Variants in TRAPPC11 observed in about 807,000 individuals in gnomAD.
The protein encoded by TRAPPC11 is foie gras homolog.
A neutral mutation model predicts 151.2 loss-of-function variants in TRAPPC11; 104 were observed. That is an observed-to-expected ratio of 0.69 (90% CI 0.59 to 0.81). The LOEUF is 0.81. Ranked by LOEUF, TRAPPC11 falls within the 30% of genes least tolerant of loss-of-function variation. The pLI, the probability that TRAPPC11 is intolerant of heterozygous loss-of-function variation, is 0.00. For missense variants in TRAPPC11, 1,230 were observed against 1,349.6 expected, an observed-to-expected ratio of 0.91 and a Z score of 1.39; for synonymous variants, 456 against 472.3, an observed-to-expected ratio of 0.97 and a Z score of 0.45.
chr4:183,678,200 G>A (rs559189864), intron 8 of TRAPPC11, among the ~76,000 whole-genome samples: 1 of 152,140 alleles, frequency 6.6e-6, no homozygotes, highest in African/African-American at 2.4e-5. Context: ...GCCTCCCAAA[G>A]TGCTGGAATT....
At chr4:183,681,637 G>A (rs949135880) in intron 10 of TRAPPC11, among the ~76,000 whole-genome samples, 15 of 152,010 alleles carry the variant, frequency 9.9e-5, no homozygotes, top group Admixed American at 3.3e-4. Flanking sequence ...AAAATTAGCC[G>A]GGTGTGGTGG....
At chr4:183,694,538 C>G (rs959090138) in intron 22 of TRAPPC11, 66 bp from the exon 23 acceptor site, 1 of 1,492,216 alleles carries the variant, frequency 6.7e-7, no homozygotes, top group African/African-American at 1.4e-5. Context: ...GAACATTATC[C>G]TAGAATATAT....
chr4:183,659,662 G>A (rs992539393), intron 1 of TRAPPC11, among the ~76,000 whole-genome samples: 40 of 152,202 alleles, frequency 2.6e-4, no homozygotes, highest in African/African-American at 9.4e-4. Flanking sequence ...TCTGCCTTTA[G>A]GGACTGCAAG....
chr4:183,682,978 A>G (rs1408750368), intron 11 of TRAPPC11, among the ~76,000 whole-genome samples, 153 bp downstream of exon 11: 1 of 152,228 alleles, frequency 6.6e-6, no homozygotes, highest in Non-Finnish European at 1.5e-5. Context: ...AATGCTTTGT[A>G]TGTATCACTG....
At chr4:183,709,590 A>T (rs1322547290) in intron 29 of TRAPPC11, among the ~76,000 whole-genome samples, 1 of 152,144 alleles carries the variant, frequency 6.6e-6, no homozygotes, top group Admixed American at 6.5e-5. Context: ...CCTGGCTAAC[A>T]TGGTGAAACC....
intron 5 of TRAPPC11, among the ~76,000 whole-genome samples, chr4:183,669,208 G>T (rs1011344548): frequency 4.6e-5 from 7 of 152,208 alleles, no homozygotes; most frequent in African/African-American, 1.4e-4. Flanking sequence ...AGTCCATGGT[G>T]CCCAGGGTAA....
rs116539708 is a variant in TRAPPC11, at chr4:183,686,553, A to G, written c.1763-65A>G. 1.0e-5 allele frequency: 16 copies of G among 1,575,252 alleles called. No individual in the cohort carries two copies. In the African/African-American group the frequency reaches 2.2e-4, roughly 21 times the overall value. ...TCTTTCTGAAGAATCAATTTGGTTA[A>G]CAGGATGTGTGTGGGTCGTGGGTAT... is the stretch of plus-strand genomic sequence containing the variant. On this transcript the variant is annotated intron_variant, in intron 17 of 29. Transcript: ENST00000334690.
intron 18 of TRAPPC11, among the ~76,000 whole-genome samples, chr4:183,689,638 T>TA (rs922148813): frequency 1.4e-5 from 2 of 142,098 alleles, no homozygotes; most frequent in Non-Finnish European, 3.1e-5. Flanking sequence ...ACTCTTTTTT[T>TA]TTTTTTTTTA....
chr4:183,665,990 A>G (rs185523588), intron 2 of TRAPPC11, among the ~76,000 whole-genome samples: 2 of 145,310 alleles, frequency 1.4e-5, no homozygotes, highest in African/African-American at 2.6e-5. Context: ...TTAGACATGC[A>G]TCATCGTTTT....
At chr4:183,679,999 G>A in intron 9 of TRAPPC11, 121 bp from the exon 10 acceptor site, 5 of 741,864 alleles carry the variant, frequency 6.7e-6, no homozygotes, top group Non-Finnish European at 1.1e-5. Flanking sequence ...AATATTAACT[G>A]TTCATCAATA....
At chr4:183,710,130 T>C (rs531495549) in intron 29 of TRAPPC11, among the ~76,000 whole-genome samples, 1 of 152,190 alleles carries the variant, frequency 6.6e-6, no homozygotes, top group East Asian at 1.9e-4. Flanking sequence ...AAAGGAGAGA[T>C]TTTTGGTTCC....
Position 183,694,031 on chromosome 4 carries a change from G to A in TRAPPC11, c.2501G>A (p.Gly834Glu), listed in dbSNP as rs1424159551. The change falls in exon 22 of 30, where the codon GGG becomes GAG. Residue 834 changes from glycine (G) to glutamate (E), a missense_variant. Physicochemically the swap from Gly to Glu is moderately conservative, Grantham distance 98. Coordinates refer to ENST00000334690, the MANE Select transcript of TRAPPC11 (RefSeq NM_021942.6). ...TDIPVGDLHPGEQLEKMLYVR... is the reference protein window; with the variant it reads ...TDIPVGDLHPEEQLEKMLYVR... ...ATTCCTGTTGGAGACTTACATCCAG[G>A]GGAACAGGTAAACTTGGTCAACTGG... The A allele has an allele frequency of 1.9e-6, 3 of 1,613,528 alleles. No homozygotes were observed. The highest frequency in any genetic ancestry group is 2.7e-5 in the African/African-American group (2 of 74,918).
chr4:183,692,819 C>T (rs1484527135), intron 19 of TRAPPC11, 141 bp from the exon 20 acceptor site: 7 of 645,188 alleles, frequency 1.1e-5, no homozygotes, highest in Admixed American at 6.7e-5. Flanking sequence ...CCTCTAATAG[C>T]AGGTGTTCTC....
At chr4:183,663,561 GT>G (rs759811072) in intron 1 of TRAPPC11, among the ~76,000 whole-genome samples, 4 of 152,052 alleles carry the variant, frequency 2.6e-5, no homozygotes, top group Non-Finnish European at 4.4e-5. Flanking sequence ...TAGAGACAAG[GT>G]TTCACTGTGT....
At chr4:183,667,372 G>A (rs757393110) in intron 4 of TRAPPC11, among the ~76,000 whole-genome samples, 4 of 152,122 alleles carry the variant, frequency 2.6e-5, no homozygotes, top group Non-Finnish European at 5.9e-5. Flanking sequence ...TTATGTAGGG[G>A]ATATAGGAAG....
At chr4:183,662,353 T>TTAA (rs1734596563) in intron 1 of TRAPPC11, among the ~76,000 whole-genome samples, 5 of 45,976 alleles carry the variant, frequency 1.1e-4, no homozygotes, top group African/African-American at 5.7e-4. Context: ...ATACTCCGTC[T>TTAA]CAAAAAAAAA....
At chr4:183,680,767 C>T (rs1252670748) in intron 10 of TRAPPC11, among the ~76,000 whole-genome samples, 1 of 144,724 alleles carries the variant, frequency 6.9e-6, no homozygotes, top group African/African-American at 2.6e-5. Flanking sequence ...TTACTGCATC[C>T]TCCATCTCTT....
rs1399140645 is a variant in TRAPPC11 at position 183,697,772 on chromosome 4, A to G, written c.2788A>G (p.Ser930Gly). 1 of 1,614,064 alleles carries G rather than the reference A, an allele frequency of 6.2e-7. No homozygotes were observed. The highest frequency in any genetic ancestry group is 1.3e-5 in the African/African-American group (1 of 75,030). The change falls in exon 25 of 30, where the codon AGT becomes GGT. Residue 930 changes from serine to glycine, a missense_variant. Coordinates refer to ENST00000334690, the MANE Select transcript of TRAPPC11 (RefSeq NM_021942.6). ...ASPWALTIVS[S>G]ELQLAPSMTT... ...ACCCTGGGCCCTCACTATTGTTTCC[A>G]GTGAGCTCCAGCTTGCTCCATCCAT...
chr4:183,668,034 A>G lies in TRAPPC11; in HGVS notation c.477A>G (p.Ala159=), dbSNP rs772143321. 2 of 1,613,392 alleles carry G rather than the reference A, an allele frequency of 1.2e-6. No homozygotes were observed. The highest frequency in any genetic ancestry group is 2.7e-5 in the African/African-American group (2 of 74,926). The part of the protein sequence containing the change: ...GEDVIASERA[A]ALCNACELSG... ...ATGTCATTGCTTCAGAAAGGGCTGCAGCTTTATGCAATGCATGTGAACTCT... is the reference window on the plus strand; with the variant it reads ...ATGTCATTGCTTCAGAAAGGGCTGCGGCTTTATGCAATGCATGTGAACTCT... Residue 159 remains alanine, a synonymous_variant, in exon 5 of 30, where the codon GCA becomes GCG. Coordinates refer to ENST00000334690, the MANE Select transcript of TRAPPC11 (RefSeq NM_021942.6).
Sources: gnomAD v4.1 joint callset for allele counts (sites outside exome capture counted in the v4.1 genomes callset) on GRCh38, gnomAD v4.1.1 for gene constraint, MANE v1.5 for transcripts, NCBI Gene and HGNC (gene_info 2026-07-23, HGNC 2026-07-21) for gene names.